Variants in PARD3 observed in about 807,000 individuals in gnomAD.
PARD3 encodes par-3 family cell polarity regulator.
Under a neutral mutation model 155.4 loss-of-function variants are expected in PARD3, and 75 were observed. The observed-to-expected ratio is 0.48, with a 90% CI of 0.40 to 0.58. The LOEUF (loss-of-function observed/expected upper bound fraction) is 0.58, where lower values mean the gene tolerates loss of function less well. Ranked by LOEUF, PARD3 falls within the 20% of genes least tolerant of loss-of-function variation. PARD3 has a pLI of 0.00. For synonymous variants in PARD3, 576 were observed against 610.5 expected (o/e 0.94, Z 0.83); for missense variants, 1,642 against 1,721.7 (o/e 0.95, Z 0.82).
At chr10:34,199,956 T>C (rs1046900461) in intron 22 of PARD3, among the ~76,000 whole-genome samples, 8 of 152,180 alleles carry the variant, frequency 5.3e-5, no homozygotes, top group African/African-American at 1.9e-4. Context: ...ATTGTGTTAT[T>C]ATCCTGAGTT....
intron 22 of PARD3, among the ~76,000 whole-genome samples, chr10:34,228,481 A>T (rs1952742266): frequency 6.6e-6 from 1 of 152,160 alleles, no homozygotes. Context: ...TGAAATGTCT[A>T]GAAGAAGCAA....
chr10:34,152,614 C>A (rs1948829195), intron 22 of PARD3, among the ~76,000 whole-genome samples: 1 of 152,148 alleles, frequency 6.6e-6, no homozygotes. Flanking sequence ...CAGATTGCAT[C>A]ATTAAGTACT....
At chr10:34,125,293 C>T (rs1165241065) in intron 23 of PARD3, among the ~76,000 whole-genome samples, 2 of 152,064 alleles carry the variant, frequency 1.3e-5, no homozygotes, top group Admixed American at 1.3e-4. Flanking sequence ...TCTTGAACTC[C>T]TGACCTCGGG....
chr10:34,783,529 G>A (rs1223151338), intron 1 of PARD3, among the ~76,000 whole-genome samples: 5 of 146,840 alleles, frequency 3.4e-5, no homozygotes, highest in Admixed American at 7.0e-5. Flanking sequence ...GCGTGAACCC[G>A]GGAGGCGGAG....
intron 2 of PARD3, among the ~76,000 whole-genome samples, chr10:34,583,109 G>C (rs1248975647): frequency 6.6e-6 from 1 of 152,082 alleles, no homozygotes; most frequent in African/African-American, 2.4e-5. Context: ...GTGAGTACCT[G>C]GGATTAAATG....
intron 3 of PARD3, among the ~76,000 whole-genome samples, chr10:34,506,961 C>T (rs1487495584): frequency 2.6e-5 from 4 of 152,146 alleles, no homozygotes; most frequent in Admixed American, 6.5e-5. Context: ...CTGTCTTATC[C>T]GCCAAATTGC....
intron 20 of PARD3, among the ~76,000 whole-genome samples, chr10:34,287,077 G>A (rs899458758): frequency 6.6e-6 from 1 of 151,994 alleles, no homozygotes; most frequent in Non-Finnish European, 1.5e-5. Context: ...ATATCATAAC[G>A]GCAAAAATTC....
intron 22 of PARD3, among the ~76,000 whole-genome samples, chr10:34,246,074 C>G (rs1188404862): frequency 6.6e-6 from 1 of 152,204 alleles, no homozygotes; most frequent in Non-Finnish European, 1.5e-5. Context: ...TCCTATAAGT[C>G]AAATGTGGAC....
intron 2 of PARD3, among the ~76,000 whole-genome samples, chr10:34,623,805 C>A (rs1233914050): frequency 6.6e-6 from 1 of 151,972 alleles, no homozygotes; most frequent in Non-Finnish European, 1.5e-5. Context: ...CACGGTGAAA[C>A]CCTGACTCTA....
At chr10:34,736,476 A>G (rs1309177541) in intron 1 of PARD3, among the ~76,000 whole-genome samples, 1 of 151,800 alleles carries the variant, frequency 6.6e-6, no homozygotes, top group African/African-American at 2.4e-5. Flanking sequence ...ACACAGACAC[A>G]TGCCACCACA....
intron 2 of PARD3, among the ~76,000 whole-genome samples, chr10:34,621,231 GTTTC>G (rs1313740609): frequency 6.6e-6 from 1 of 151,932 alleles, no homozygotes; most frequent in Non-Finnish European, 1.5e-5. Flanking sequence ...TGTTTTGGGG[GTTTC>G]TTTGAGGGGA....
At chr10:34,567,457 C>T (rs1191519792) in intron 2 of PARD3, among the ~76,000 whole-genome samples, 2 of 152,090 alleles carry the variant, frequency 1.3e-5, no homozygotes, top group Non-Finnish European at 2.9e-5. Context: ...ACATTTAAAC[C>T]GCCAAGTCAT....
chr10:34,311,596 C>T (rs1371755903), intron 20 of PARD3, among the ~76,000 whole-genome samples: 6 of 152,190 alleles, frequency 3.9e-5, no homozygotes, highest in Admixed American at 2.0e-4. Context: ...TTTCCAGAAA[C>T]ATTTATGAAA....
At chr10:34,198,463 T>C (rs1374229443) in intron 22 of PARD3, among the ~76,000 whole-genome samples, 5 of 151,216 alleles carry the variant, frequency 3.3e-5, no homozygotes, top group Non-Finnish European at 7.4e-5. Flanking sequence ...GGTGTGTGTG[T>C]GTGTGTGTGT....
chr10:34,460,319 C>T (rs181536151), intron 4 of PARD3, among the ~76,000 whole-genome samples: 1 of 152,044 alleles, frequency 6.6e-6, no homozygotes, highest in Non-Finnish European at 1.5e-5. Flanking sequence ...CCCAAAAAAA[C>T]ACAATCTAAC....
chr10:34,746,436 A>G (rs1453920270), intron 1 of PARD3, among the ~76,000 whole-genome samples: 1 of 152,174 alleles, frequency 6.6e-6, no homozygotes, highest in Non-Finnish European at 1.5e-5. Context: ...CAACAGAGTA[A>G]GACCTCGTCT....
intron 7 of PARD3, among the ~76,000 whole-genome samples, chr10:34,386,048 T>C (rs1056631058): frequency 2.0e-5 from 3 of 152,354 alleles, no homozygotes; most frequent in Non-Finnish European, 2.9e-5. Flanking sequence ...AAAAGTCCTA[T>C]TTCACTTGTA....
chr10:34,530,454 G>A (rs766001066), intron 2 of PARD3, among the ~76,000 whole-genome samples: 26 of 152,162 alleles, frequency 1.7e-4, no homozygotes, highest in Non-Finnish European at 2.6e-4. Context: ...GCACTGGTTC[G>A]GAAATACTCA....
intron 1 of PARD3, among the ~76,000 whole-genome samples, chr10:34,804,133 A>G (rs1324879105): frequency 6.6e-6 from 1 of 151,496 alleles, no homozygotes; most frequent in Non-Finnish European, 1.5e-5. Flanking sequence ...TCCCGGGTTC[A>G]AGCCATTCTC....
Sources: allele counts gnomAD v4.1 joint callset (sites outside exome capture counted in the v4.1 genomes callset), GRCh38; gene constraint gnomAD v4.1.1; transcripts MANE v1.5; gene names NCBI Gene and HGNC (gene_info 2026-07-23, HGNC 2026-07-21).